The following ACOT11 variants were observed in gnomAD, a reference collection of about 807,000 sequenced individuals.
The protein encoded by ACOT11 is acyl-coenzyme A thioesterase 11.
A neutral mutation model predicts 77.5 loss-of-function variants in ACOT11; 69 were observed. That is an observed-to-expected ratio of 0.89 (90% CI 0.73 to 1.09). ACOT11 has a LOEUF of 1.09. Among genes scored for constraint, ACOT11 ranks in the 50% least tolerant of loss-of-function variants. ACOT11 has a pLI of 0.00. For missense variants in ACOT11, 766 were observed against 813.7 expected, an observed-to-expected ratio of 0.94 and a Z score of 0.71; for synonymous variants, 279 against 313.0, an observed-to-expected ratio of 0.89 and a Z score of 1.15.
At chr1:54,560,381 A>G (rs1653425499) in intron 1 of ACOT11, among the ~76,000 whole-genome samples, 1 of 152,166 alleles carries the variant, frequency 6.6e-6, no homozygotes, top group Admixed American at 6.5e-5. Flanking sequence ...CCAGGTCCAC[A>G]GAGAAATGAG....
chr1:54,637,184 A>G (rs1241823936), exon 17 of ACOT11: 1 of 151,886 alleles, frequency 6.6e-6, no homozygotes, highest in Non-Finnish European at 1.5e-5. Context: ...ACACCTCTAT[A>G]TTTTTGTGTG....
chr1:54,578,563 T>C (rs1654193577), intron 1 of ACOT11, among the ~76,000 whole-genome samples: 1 of 152,182 alleles, frequency 6.6e-6, no homozygotes, highest in Non-Finnish European at 1.5e-5. Context: ...AATAACCTCT[T>C]AGTGAAGATT....
At chr1:54,570,098 C>A (rs548851081) in intron 1 of ACOT11, among the ~76,000 whole-genome samples, 1 of 152,352 alleles carries the variant, frequency 6.6e-6, no homozygotes, top group African/African-American at 2.4e-5. Flanking sequence ...ACCCGAGCTG[C>A]TTTCTAGTGA....
At chr1:54,559,242 C>T (rs182771425) in intron 1 of ACOT11, among the ~76,000 whole-genome samples, 2 of 152,214 alleles carry the variant, frequency 1.3e-5, no homozygotes, top group African/African-American at 4.8e-5. Context: ...CCATCCCAGC[C>T]TCCTCTGCCC....
In ACOT11 at chr1:54,620,845, C is replaced by CAAAAAAAAAAAAAAA. The variant is rs767625864; in HGVS notation, c.1630-9871_1630-9857dup. ...CCTGGATGACACAAAGAGACTCTGTCAAAAAAAAAAAAAAAAAAAAAAAAA... is the reference window on the plus strand; with the variant it reads ...CCTGGATGACACAAAGAGACTCTGTCAAAAAAAAAAAAAAAAAAAAAAAAAAAAAAAAAAAAAAAA... On this transcript the variant is annotated intron_variant, in intron 15 of 16. Transcript: ENST00000371316. Among the ~76,000 whole-genome samples, 5 of 12,118 alleles carry CAAAAAAAAAAAAAAA rather than the reference C, an allele frequency of 4.1e-4. 2 individuals are homozygous for CAAAAAAAAAAAAAAA. The highest frequency in any genetic ancestry group is 7.5e-4 in the Non-Finnish European group (5 of 6,668). The allele number at this position is 12,118 out of a possible 152,430, so 7.9% of individuals were successfully genotyped here. A position where few individuals can be genotyped will look rare whatever the true frequency, so the allele number is the denominator to read the frequency against.
intron 15 of ACOT11, chr1:54,623,353 C>G: frequency 6.2e-7 from 1 of 1,613,970 alleles, no homozygotes; most frequent in South Asian, 1.1e-5. Context: ...CCGGCAAACA[C>G]CCACTTGACC....
chr1:54,626,976 G>T (rs146907722), intron 15 of ACOT11, among the ~76,000 whole-genome samples: 5,323 of 133,988 alleles, frequency 0.04, 1,294 homozygotes, highest in Non-Finnish European at 0.063. Context: ...TCCTGCCTCA[G>T]TCTCCAAGTA....
In ACOT11 at chr1:54,601,118, T is replaced by TGTGTGTGCATAC. The variant is rs1643956866; in HGVS notation, c.885-144_885-143insCATACGTGTGTG. 7.0e-5 allele frequency: 19 copies of TGTGTGTGCATAC among 271,504 alleles called. 7 individuals carry two copies. The highest frequency in any genetic ancestry group is 1.2e-4 in the Non-Finnish European group (16 of 136,022). The allele number at this position is 271,504 out of a possible 1,614,324, so 16.8% of individuals were successfully genotyped here. ...ATGTGTGTGTATGTGTGTGCATACA[T>TGTGTGTGCATAC]GTGTGTGTATGTGTGTGCATACGTG... On this transcript the variant is annotated intron_variant, in intron 8 of 15. Transcript: ENST00000343744.
rs767884606 is a variant in ACOT11, at chr1:54,609,235, C to G, written c.*123C>G. 31 of 1,593,238 alleles carry G rather than the reference C, an allele frequency of 1.9e-5. No homozygotes were observed. The Admixed American group carries it at 4.8e-4, about 24-fold the overall frequency. Reference sequence around the variant, plus strand: ...CTGCCTCCCCGTGGGAAGCCTCCGCCCTGAGGTCCGCTGGCCCACCACCCC... The same window carrying G: ...CTGCCTCCCCGTGGGAAGCCTCCGCGCTGAGGTCCGCTGGCCCACCACCCC... On this transcript the variant is annotated 3_prime_UTR_variant, in exon 16 of 16. Coordinates refer to ENST00000343744, the MANE Select transcript of ACOT11 (RefSeq NM_147161.4).
rs759711159 is a variant in ACOT11, at chr1:54,548,341, G to A, written c.32G>A (p.Arg11Gln). Residue 11 changes from arginine (R) to glutamine (Q), a missense_variant and splice_region_variant, in exon 1 of 16, where the codon CGG becomes CAG. Physicochemically the swap from Arg to Gln is conservative, Grantham distance 43. Coordinates refer to ENST00000343744, the MANE Select transcript of ACOT11 (RefSeq NM_147161.4). Reference sequence around the variant, plus strand: ...CAGAATGTCGGAAATCACCTGCGACGGGTATGGAGGGTGGGCTGGGGCAGC... The same window carrying A: ...CAGAATGTCGGAAATCACCTGCGACAGGTATGGAGGGTGGGCTGGGGCAGC... MIQNVGNHLR[R>Q]GLASVFSNRT... The A allele has an allele frequency of 4.2e-5, 68 of 1,601,294 alleles. No homozygotes were observed. Among genetic ancestry groups the A allele is most frequent in the Non-Finnish European group, 5.4e-5 (63 of 1,174,408 alleles).
At chr1:54,602,296 GGTT>G (rs1643974306) in intron 9 of ACOT11, among the ~76,000 whole-genome samples, 4 of 152,352 alleles carry the variant, frequency 2.6e-5, no homozygotes, top group South Asian at 4.1e-4. Flanking sequence ...AGCCTCAGAG[GGTT>G]GTTGTAAGGA....
Position 54,577,456 on chromosome 1 carries a change from T to A in ACOT11, c.34-7199T>A, listed in dbSNP as rs1290567300. Among the ~76,000 whole-genome samples, 6 of 151,956 alleles carry A rather than the reference T, an allele frequency of 3.9e-5. No individual in the cohort carries two copies. The East Asian group carries it at 1.2e-3, about 29-fold the overall frequency. On this transcript the variant is annotated intron_variant, in intron 1 of 15. Coordinates refer to ENST00000343744, the MANE Select transcript of ACOT11 (RefSeq NM_147161.4). ...AAATTCATCTATGTTTTAGCATGTATCAGTACTTCATTTATGTTTATGTCT... is the reference window on the plus strand; with the variant it reads ...AAATTCATCTATGTTTTAGCATGTAACAGTACTTCATTTATGTTTATGTCT...
chr1:54,603,625 G>A (rs1371842320), intron 10 of ACOT11, among the ~76,000 whole-genome samples: 2 of 152,158 alleles, frequency 1.3e-5, no homozygotes, highest in Non-Finnish European at 2.9e-5. Flanking sequence ...TGGGAATCGA[G>A]CCTTAGACGC....
At position 54,609,762 on chromosome 1, in the gene ACOT11, G is replaced by A. The variant is rs535331459; in HGVS notation, c.*650G>A. 33 of 1,614,160 alleles carry A rather than the reference G, an allele frequency of 2.0e-5. No homozygotes were observed. Among genetic ancestry groups the A allele is most frequent in the Admixed American group, 1.7e-4 (10 of 60,030 alleles). ...CGTGCCAGCAAGGCCAGGGATGGCC[G>A]GAGGGCTGCGGGCTCCGCTATTTGC... is the stretch of plus-strand genomic sequence containing the variant. On this transcript the variant is annotated 3_prime_UTR_variant, in exon 16 of 16. Transcript: ENST00000343744.
At position 54,597,202 on chromosome 1, in the gene ACOT11, T is replaced by C. The variant is rs1643898415; in HGVS notation, c.608-57T>C. 4.4e-6 allele frequency: 7 copies of C among 1,597,416 alleles called. No individual in the cohort carries two copies. In the Admixed American group the frequency reaches 1.2e-4, roughly 27 times the overall value. On this transcript the variant is annotated intron_variant, in intron 6 of 15. Transcript: ENST00000343744. ...CCCAGGGCTGCCTGTGGGGAGGGGCTGCCCTTGGGAATGTTCTCACCTCCC... is the reference window on the plus strand; with the variant it reads ...CCCAGGGCTGCCTGTGGGGAGGGGCCGCCCTTGGGAATGTTCTCACCTCCC...
rs569444564 is a variant in ACOT11 at position 54,609,696 on chromosome 1, C to T, written c.*584C>T. ...AAACTCCCGTGGGAGATTTTGGCCCCAACCCACACAGGCCAATGCAAGAGG... is the reference window on the plus strand; with the variant it reads ...AAACTCCCGTGGGAGATTTTGGCCCTAACCCACACAGGCCAATGCAAGAGG... On this transcript the variant is annotated 3_prime_UTR_variant, in exon 16 of 16. Coordinates refer to ENST00000343744, the MANE Select transcript of ACOT11 (RefSeq NM_147161.4). 1.9e-6 allele frequency: 3 copies of T among 1,614,074 alleles called. No homozygotes were observed. The highest frequency in any genetic ancestry group is 2.7e-5 in the African/African-American group (2 of 75,070).
chr1:54,572,895 T>C (rs981386403), intron 1 of ACOT11: 2 of 983,046 alleles, frequency 2.0e-6, no homozygotes, highest in Admixed American at 1.2e-4. Flanking sequence ...CCTGTCTAGC[T>C]GAACCTGAGG....
chr1:54,604,581 G>T (rs750896281), intron 12 of ACOT11, 152 bp downstream of exon 12: 2 of 738,570 alleles, frequency 2.7e-6, no homozygotes, highest in African/African-American at 1.8e-5. Flanking sequence ...TTATGGAAAC[G>T]TACCCACCCC....
At chr1:54,589,942 G>T (rs149161758) in intron 3 of ACOT11, among the ~76,000 whole-genome samples, 1 of 152,002 alleles carries the variant, frequency 6.6e-6, no homozygotes, top group African/African-American at 2.4e-5. Flanking sequence ...CAAAAAATTC[G>T]CCGGGCATGG....
Sources: allele counts gnomAD v4.1 joint callset (sites outside exome capture counted in the v4.1 genomes callset), GRCh38; gene constraint gnomAD v4.1.1; transcripts MANE v1.5; gene names NCBI Gene and HGNC (gene_info 2026-07-23, HGNC 2026-07-21).